Variants in ELOVL6 observed in about 807,000 individuals in gnomAD.
The protein encoded by ELOVL6 is very long chain fatty acid elongase 6.
ELOVL6 carries 8 observed loss-of-function variants against 31.7 expected under a neutral mutation model. That is an observed-to-expected ratio of 0.25 (90% confidence interval 0.15 to 0.45). The LOEUF (loss-of-function observed/expected upper bound fraction) is 0.45, where lower values mean the gene tolerates loss of function less well. ELOVL6 is among the 20% of genes least tolerant of loss of function. The pLI, the probability that ELOVL6 is intolerant of heterozygous loss-of-function variation, is 1.00. For missense variants in ELOVL6, 126 were observed against 326.4 expected (o/e 0.39, Z 4.73); for synonymous variants, 101 against 117.7 (o/e 0.86, Z 0.92).
intron 1 of ELOVL6, among the ~76,000 whole-genome samples, chr4:110,126,243 C>T (rs1031699716): frequency 6.6e-6 from 1 of 152,032 alleles, no homozygotes; most frequent in African/African-American, 2.4e-5. Flanking sequence ...GAGGTTTTGC[C>T]ATGTTGCCCA....
intron 1 of ELOVL6, among the ~76,000 whole-genome samples, chr4:110,157,884 A>G (rs1268574864): frequency 6.6e-6 from 1 of 152,176 alleles, no homozygotes; most frequent in African/African-American, 2.4e-5. Flanking sequence ...AAAGTAGGAA[A>G]TATATATTCA....
At chr4:110,158,183 C>G (rs183467454) in intron 1 of ELOVL6, among the ~76,000 whole-genome samples, 1 of 152,238 alleles carries the variant, frequency 6.6e-6, no homozygotes, top group East Asian at 1.9e-4. Flanking sequence ...ACTATACAAC[C>G]CTATTCTGCT....
intron 2 of ELOVL6, among the ~76,000 whole-genome samples, chr4:110,061,991 AC>A (rs1441897543): frequency 1.3e-5 from 2 of 152,176 alleles, no homozygotes; most frequent in African/African-American, 4.8e-5. Flanking sequence ...TAAGGTATTC[AC>A]ACAAGTTCAT....
At chr4:110,188,761 G>A (rs548432024) in intron 1 of ELOVL6, among the ~76,000 whole-genome samples, 17 of 151,918 alleles carry the variant, frequency 1.1e-4, no homozygotes, top group Admixed American at 4.6e-4. Context: ...GCATGGTGGC[G>A]TATGCCTGTA....
At chr4:110,189,973 A>C (rs1040053780) in intron 1 of ELOVL6, among the ~76,000 whole-genome samples, 3 of 152,004 alleles carry the variant, frequency 2.0e-5, no homozygotes, top group Admixed American at 6.6e-5. Flanking sequence ...TCTCAAAAAA[A>C]AAAAAAAATT....
intron 1 of ELOVL6, among the ~76,000 whole-genome samples, chr4:110,133,115 A>G (rs1365637284): frequency 6.6e-6 from 1 of 152,138 alleles, no homozygotes; most frequent in Non-Finnish European, 1.5e-5. Flanking sequence ...AAGAGAAGCA[A>G]AGAAGATTAA....
intron 2 of ELOVL6, among the ~76,000 whole-genome samples, chr4:110,098,015 A>G (rs1756636720): frequency 6.6e-6 from 1 of 152,120 alleles, no homozygotes; most frequent in Admixed American, 6.6e-5. Context: ...TAAAGATAAA[A>G]CAAAAACAGG....
chr4:110,118,345 A>G (rs1757248861), intron 1 of ELOVL6, among the ~76,000 whole-genome samples: 1 of 152,118 alleles, frequency 6.6e-6, no homozygotes, highest in Non-Finnish European at 1.5e-5. Flanking sequence ...ATTCTTCTTG[A>G]AGTAGAATTT....
chr4:110,068,573 C>T lies in ELOVL6; in HGVS notation c.222-8819G>A, dbSNP rs577094011. Reference sequence around the variant, plus strand: ...GCTTCGATTCACTTTCAGAAGTACCCGCTTATTGTCTTAACTTGTAAACCT... The same window carrying T: ...GCTTCGATTCACTTTCAGAAGTACCTGCTTATTGTCTTAACTTGTAAACCT... On this transcript the variant is annotated intron_variant, in intron 2 of 3. Coordinates refer to ENST00000302274, the MANE Select transcript of ELOVL6 (RefSeq NM_024090.3). Among the ~76,000 whole-genome samples the T allele has an allele frequency of 5.9e-5, 9 of 152,264 alleles. No individual in the cohort carries two copies. In the South Asian group the frequency reaches 1.0e-3, roughly 18 times the overall value.
chr4:110,169,523 G>A (rs1301842241), intron 1 of ELOVL6, among the ~76,000 whole-genome samples: 2 of 152,168 alleles, frequency 1.3e-5, no homozygotes, highest in East Asian at 1.9e-4. Context: ...GATTACAGGC[G>A]TGAGCCACCA....
intron 1 of ELOVL6, among the ~76,000 whole-genome samples, chr4:110,143,648 C>A (rs1358543272): frequency 6.6e-6 from 1 of 152,164 alleles, no homozygotes; most frequent in Non-Finnish European, 1.5e-5. Flanking sequence ...TAACAGGATT[C>A]CCCAGGCAAT....
At chr4:110,143,947 G>A (rs1451164225) in intron 1 of ELOVL6, among the ~76,000 whole-genome samples, 2 of 151,562 alleles carry the variant, frequency 1.3e-5, no homozygotes, top group Admixed American at 6.6e-5. Flanking sequence ...CCAGCTACTC[G>A]GGAGGCTGAG....
chr4:110,084,586 ATATTTTTTTTTTTTTT>A (rs1410333419), intron 2 of ELOVL6, among the ~76,000 whole-genome samples: 564 of 39,596 alleles, frequency 0.014, 23 homozygotes, highest in African/African-American at 0.05. Flanking sequence ...ATATATATAT[ATATTTTTTTTTTTTTT>A]TTTTTTTTTT....
At chr4:110,120,826 A>G in intron 1 of ELOVL6, among the ~76,000 whole-genome samples, 1 of 134,940 alleles carries the variant, frequency 7.4e-6, no homozygotes, top group Non-Finnish European at 1.5e-5. Flanking sequence ...TTTGAAACAG[A>G]GTCTCGCTCT....
At chr4:110,089,901 T>C (rs1034221278) in intron 2 of ELOVL6, among the ~76,000 whole-genome samples, 2 of 152,182 alleles carry the variant, frequency 1.3e-5, no homozygotes, top group Non-Finnish European at 2.9e-5. Flanking sequence ...AATAGTTACT[T>C]AGGTATCCAG....
chr4:110,074,486 T>C (rs181646240), intron 2 of ELOVL6, among the ~76,000 whole-genome samples: 1 of 152,286 alleles, frequency 6.6e-6, no homozygotes, highest in African/African-American at 2.4e-5. Flanking sequence ...AGGCATTATT[T>C]CAGGTAAGGA....
At chr4:110,127,406 CAAA>C (rs572027886) in intron 1 of ELOVL6, among the ~76,000 whole-genome samples, 2 of 85,506 alleles carry the variant, frequency 2.3e-5, no homozygotes, top group Non-Finnish European at 2.1e-5. Flanking sequence ...GATTCCGTCT[CAAA>C]AAAAAAAAAA....
intron 2 of ELOVL6, among the ~76,000 whole-genome samples, chr4:110,066,918 GC>G (rs940267575): frequency 1.4e-4 from 20 of 143,160 alleles, no homozygotes; most frequent in African/African-American, 4.4e-4. Context: ...CCTCCCCATT[GC>G]CCCCCACCCC....
At chr4:110,106,798 TATTCAAGATA>T (rs1288502740) in intron 1 of ELOVL6, among the ~76,000 whole-genome samples, 1 of 152,134 alleles carries the variant, frequency 6.6e-6, no homozygotes, top group East Asian at 1.9e-4. Flanking sequence ...ACTTAGCCCC[TATTCAAGATA>T]AAGTCACTCT....
Sources: gnomAD v4.1 joint callset for allele counts (sites outside exome capture counted in the v4.1 genomes callset) on GRCh38, gnomAD v4.1.1 for gene constraint, MANE v1.5 for transcripts, NCBI Gene and HGNC (gene_info 2026-07-23, HGNC 2026-07-21) for gene names.